Variants in FOXN3 observed in about 807,000 individuals in gnomAD.
The protein encoded by FOXN3 is forkhead box N3, also known as forkhead box protein N3.
A neutral mutation model predicts 38.4 loss-of-function variants in FOXN3; 7 were observed. That is an observed-to-expected ratio of 0.18 (90% CI 0.10 to 0.34). FOXN3 has a LOEUF of 0.34. Ranked by LOEUF, FOXN3 falls within the 10% of genes least tolerant of loss-of-function variation. The pLI, the probability that FOXN3 is intolerant of heterozygous loss-of-function variation, is 1.00. For synonymous variants in FOXN3, 230 were observed against 242.2 expected (o/e 0.95, Z 0.47); for missense variants, 456 against 613.4 (o/e 0.74, Z 2.71).
At chr14:89,388,056 C>G (rs568220094) in intron 2 of FOXN3, among the ~76,000 whole-genome samples, 1 of 152,292 alleles carries the variant, frequency 6.6e-6, no homozygotes, top group Non-Finnish European at 1.5e-5. Context: ...TGGTGGCGTG[C>G]ACCTGTAGTC....
At chr14:89,332,358 A>C (rs1369406742) in intron 3 of FOXN3, among the ~76,000 whole-genome samples, 1 of 152,150 alleles carries the variant, frequency 6.6e-6, no homozygotes, top group Non-Finnish European at 1.5e-5. Flanking sequence ...TTAAGCTCAC[A>C]ACAAAAGTGA....
chr14:89,189,868 T>C (rs556882141), intron 4 of FOXN3, among the ~76,000 whole-genome samples: 138 of 152,334 alleles, frequency 9.1e-4, no homozygotes, highest in African/African-American at 3.1e-3. Flanking sequence ...ATAGAAATGG[T>C]CCAAGCTGGT....
chr14:89,497,476 G>A (rs1380772422), intron 1 of FOXN3, among the ~76,000 whole-genome samples: 6 of 148,344 alleles, frequency 4.0e-5, no homozygotes, highest in South Asian at 4.3e-4. Context: ...GCGCGATCTC[G>A]GCTCACTACA....
chr14:89,581,978 G>A (rs2139911864), intron 1 of FOXN3, among the ~76,000 whole-genome samples: 1 of 152,238 alleles, frequency 6.6e-6, no homozygotes, highest in East Asian at 1.9e-4. Context: ...CCGAGGCAAG[G>A]GAGACCAGAT....
At chr14:89,317,558 G>C (rs1049672276) in intron 3 of FOXN3, among the ~76,000 whole-genome samples, 1 of 152,176 alleles carries the variant, frequency 6.6e-6, no homozygotes, top group African/African-American at 2.4e-5. Context: ...CAGGGGTAAA[G>C]TGTAGGGTCC....
At chr14:89,242,820 AAAT>A (rs1163215047) in intron 4 of FOXN3, among the ~76,000 whole-genome samples, 3 of 152,238 alleles carry the variant, frequency 2.0e-5, no homozygotes, top group Admixed American at 6.5e-5. Flanking sequence ...CTATGCAGAA[AAAT>A]AATAAAAACA....
intron 4 of FOXN3, among the ~76,000 whole-genome samples, chr14:89,220,373 G>A (rs893542856): frequency 6.6e-6 from 1 of 152,158 alleles, no homozygotes; most frequent in South Asian, 2.1e-4. Context: ...TAAATGAGCT[G>A]GTGTGTAGAA....
intron 2 of FOXN3, among the ~76,000 whole-genome samples, chr14:89,396,487 T>C (rs1433361489): frequency 1.3e-5 from 2 of 152,204 alleles, no homozygotes; most frequent in Non-Finnish European, 2.9e-5. Context: ...TATCAGAGTA[T>C]GATGGGGACC....
intron 2 of FOXN3, among the ~76,000 whole-genome samples, chr14:89,403,294 C>T (rs958036370): frequency 3.3e-5 from 5 of 152,162 alleles, no homozygotes; most frequent in East Asian, 1.9e-4. Context: ...CTCCACCTCC[C>T]GGGTTCAAGC....
chr14:89,181,484 C>T (rs894371848), intron 4 of FOXN3, among the ~76,000 whole-genome samples: 17 of 152,214 alleles, frequency 1.1e-4, no homozygotes, highest in African/African-American at 4.1e-4. Flanking sequence ...TCAGCACGCA[C>T]CACACAGTTC....
intron 2 of FOXN3, among the ~76,000 whole-genome samples, chr14:89,410,924 C>T (rs1304283424): frequency 6.6e-6 from 1 of 151,902 alleles, no homozygotes; most frequent in Non-Finnish European, 1.5e-5. Flanking sequence ...AAAAAGAAAG[C>T]AAATTATTAA....
At chr14:89,566,881 A>G (rs911842566) in intron 1 of FOXN3, among the ~76,000 whole-genome samples, 4 of 128,098 alleles carry the variant, frequency 3.1e-5, no homozygotes, top group African/African-American at 1.2e-4. Context: ...CCTCTTCCTT[A>G]CCCTCCTTCC....
chr14:89,372,150 A>C (rs1444174241), intron 2 of FOXN3, among the ~76,000 whole-genome samples: 1 of 152,188 alleles, frequency 6.6e-6, no homozygotes, highest in East Asian at 1.9e-4. Flanking sequence ...CAGTATGTAC[A>C]TAATAATTCC....
intron 5 of FOXN3, among the ~76,000 whole-genome samples, chr14:89,178,338 T>C (rs1335808801): frequency 6.6e-6 from 1 of 152,154 alleles, no homozygotes. Flanking sequence ...TTTGTAGAGC[T>C]GGGATCTCCC....
At chr14:89,196,443 C>A (rs1449996095) in intron 4 of FOXN3, among the ~76,000 whole-genome samples, 1 of 152,124 alleles carries the variant, frequency 6.6e-6, no homozygotes, top group Non-Finnish European at 1.5e-5. Flanking sequence ...TGAGTCCACT[C>A]ATTTTAAAAT....
chr14:89,513,164 A>G (rs1159785778), intron 1 of FOXN3, among the ~76,000 whole-genome samples: 5 of 148,772 alleles, frequency 3.4e-5, no homozygotes, highest in East Asian at 2.0e-4. Context: ...AAAAAAAAAA[A>G]AAAAAGAAAA....
upstream of FOXN3, chr14:89,417,581 C>A: frequency 5.9e-6 from 2 of 337,300 alleles, no homozygotes; most frequent in South Asian, 4.2e-5. Context: ...GCCACACGAG[C>A]GGGCCGGCGC....
chr14:89,434,941 A>C (rs1892244543), intron 1 of FOXN3, among the ~76,000 whole-genome samples: 2 of 152,212 alleles, frequency 1.3e-5, no homozygotes, highest in Admixed American at 6.5e-5. Context: ...ATTACAGAGA[A>C]TTATTATAGT....
intron 2 of FOXN3, among the ~76,000 whole-genome samples, chr14:89,381,145 CAAAAAAAAAAAAA>C (rs71130067): frequency 2.0e-4 from 13 of 64,218 alleles, no homozygotes; most frequent in East Asian, 6.6e-4. Flanking sequence ...CCCTCCGTCT[CAAAAAAAAAAAAA>C]AAAAAAAAAA....
Sources: gnomAD v4.1 joint callset for allele counts (sites outside exome capture counted in the v4.1 genomes callset) on GRCh38, gnomAD v4.1.1 for gene constraint, MANE v1.5 for transcripts, NCBI Gene and HGNC (gene_info 2026-07-23, HGNC 2026-07-21) for gene names.